The following PDE10A variants were observed in gnomAD, a reference collection of about 807,000 sequenced individuals.
The protein encoded by PDE10A is phosphodiesterase 10A, also known as cAMP and cAMP-inhibited cGMP 3',5'-cyclic phosphodiesterase 10A.
A neutral mutation model predicts 97.7 loss-of-function variants in PDE10A; 39 were observed. The ratio of observed to expected loss-of-function variants is 0.40; its 90% CI spans 0.31 to 0.52. The LOEUF (loss-of-function observed/expected upper bound fraction) is 0.52, where lower values mean the gene tolerates loss of function less well. PDE10A is among the 20% of genes least tolerant of loss of function. PDE10A has a pLI of 0.56. For synonymous variants in PDE10A, 371 were observed against 376.8 expected (o/e 0.98, Z 0.18); for missense variants, 731 against 1,047.8 (o/e 0.70, Z 4.17).
At chr6:165,816,002 T>G (rs542575783) in intron 1 of PDE10A, among the ~76,000 whole-genome samples, 1 of 151,808 alleles carries the variant, frequency 6.6e-6, no homozygotes, top group Non-Finnish European at 1.5e-5. Context: ...CAGGCTGGAG[T>G]GCAGTGGCGT....
At chr6:165,867,887 T>C (rs1249843168) in intron 1 of PDE10A, among the ~76,000 whole-genome samples, 2 of 151,994 alleles carry the variant, frequency 1.3e-5, no homozygotes, top group East Asian at 1.9e-4. Context: ...TTGGAAACTA[T>C]GCAAATACAT....
chr6:165,556,514 A>C (rs1295844324), intron 1 of PDE10A, among the ~76,000 whole-genome samples: 1 of 152,230 alleles, frequency 6.6e-6, no homozygotes, highest in Non-Finnish European at 1.5e-5. Flanking sequence ...AATAGTCATT[A>C]ACTTTGAAGG....
chr6:165,414,740 A>G (rs761408079), intron 12 of PDE10A, among the ~76,000 whole-genome samples: 2 of 152,230 alleles, frequency 1.3e-5, no homozygotes, highest in Non-Finnish European at 2.9e-5. Context: ...TTAACTTTTC[A>G]AGAAACTGCA....
At chr6:165,340,242 T>C (rs1432856260) in intron 19 of PDE10A, among the ~76,000 whole-genome samples, 2 of 152,208 alleles carry the variant, frequency 1.3e-5, no homozygotes, top group African/African-American at 2.4e-5. Context: ...TGTACAATCT[T>C]CTTAAGATTT....
chr6:165,398,422 A>T (rs186928106), intron 13 of PDE10A, among the ~76,000 whole-genome samples: 2 of 150,244 alleles, frequency 1.3e-5, no homozygotes, highest in African/African-American at 2.4e-5. Context: ...CAAGAGGTGG[A>T]GGTTTCAGTG....
chr6:165,774,445 TA>T (rs1346280730), intron 1 of PDE10A, among the ~76,000 whole-genome samples: 5 of 148,104 alleles, frequency 3.4e-5, no homozygotes, highest in African/African-American at 9.8e-5. Flanking sequence ...GTATATATAA[TA>T]AAAATATAAA....
chr6:165,424,550 A>G (rs1007008593), intron 10 of PDE10A, among the ~76,000 whole-genome samples: 2 of 152,206 alleles, frequency 1.3e-5, no homozygotes, highest in African/African-American at 2.4e-5. Context: ...TGAACAAATA[A>G]TATGTACATT....
intron 1 of PDE10A, among the ~76,000 whole-genome samples, chr6:165,648,071 T>TG (rs1209424035): frequency 6.6e-6 from 1 of 152,196 alleles, no homozygotes; most frequent in African/African-American, 2.4e-5. Flanking sequence ...TGGAGTGCAG[T>TG]GTGCAATCTT....
At chr6:165,427,315 A>G (rs902264212) in intron 10 of PDE10A, among the ~76,000 whole-genome samples, 3 of 152,194 alleles carry the variant, frequency 2.0e-5, no homozygotes, top group Non-Finnish European at 2.9e-5. Flanking sequence ...TGACCCATGC[A>G]TAATATGTAT....
chr6:165,622,735 G>C (rs1392124420), intron 1 of PDE10A, among the ~76,000 whole-genome samples: 2 of 152,158 alleles, frequency 1.3e-5, no homozygotes, highest in Non-Finnish European at 2.9e-5. Context: ...ACCCTGTAAA[G>C]AAAGAAACTT....
At chr6:165,890,561 G>T (rs1307005092) in intron 1 of PDE10A, among the ~76,000 whole-genome samples, 1 of 152,174 alleles carries the variant, frequency 6.6e-6, no homozygotes, top group Non-Finnish European at 1.5e-5. Flanking sequence ...TACCGCCAGA[G>T]TTACAAGTCA....
intron 2 of PDE10A, among the ~76,000 whole-genome samples, chr6:165,494,619 AACC>A: frequency 6.6e-6 from 1 of 151,888 alleles, no homozygotes; most frequent in East Asian, 1.9e-4. Context: ...TAATATTGAA[AACC>A]ACATTTTGCA....
Position 165,794,500 on chromosome 6 carries a change from T to G in PDE10A, c.-615+193029A>C, listed in dbSNP as rs574003184. 8.3e-5 allele frequency among the ~76,000 whole-genome samples: 12 copies of G among 144,682 alleles called. No individual in the cohort carries two copies. The East Asian group carries it at 1.8e-3, about 22-fold the overall frequency. The allele number at this position is 144,682 out of a possible 152,430, so 94.9% of individuals were successfully genotyped here. On this transcript the variant is annotated intron_variant, in intron 1 of 19. Coordinates refer to the PDE10A transcript ENST00000366882. ...CACACTCATTACACACACTACACACTCACATGCTCACTCATACACTCGCAC... is the reference window on the plus strand; with the variant it reads ...CACACTCATTACACACACTACACACGCACATGCTCACTCATACACTCGCAC...
At chr6:165,408,488 C>G (rs1232907779) in intron 13 of PDE10A, among the ~76,000 whole-genome samples, 2 of 152,052 alleles carry the variant, frequency 1.3e-5, no homozygotes, top group Non-Finnish European at 2.9e-5. Flanking sequence ...GGGTCTTGGT[C>G]ATTGGCAGTA....
At chr6:165,730,233 C>T (rs968960933) in intron 1 of PDE10A, among the ~76,000 whole-genome samples, 3 of 151,758 alleles carry the variant, frequency 2.0e-5, no homozygotes, top group East Asian at 3.9e-4. Flanking sequence ...GACTAAGTGA[C>T]GACAGAGCTA....
At chr6:165,559,107 G>C (rs771900863) in intron 1 of PDE10A, among the ~76,000 whole-genome samples, 2 of 152,146 alleles carry the variant, frequency 1.3e-5, no homozygotes, top group Non-Finnish European at 2.9e-5. Flanking sequence ...TGACTCCAAA[G>C]TTTCTAGCTT....
chr6:165,826,883 G>C (rs1169406098), intron 1 of PDE10A, among the ~76,000 whole-genome samples: 1 of 151,794 alleles, frequency 6.6e-6, no homozygotes, highest in Non-Finnish European at 1.5e-5. Context: ...CACAGTGAGA[G>C]AGAGGACAAA....
At chr6:165,619,916 C>CAGATG (rs1177400796) in intron 1 of PDE10A, among the ~76,000 whole-genome samples, 3 of 152,076 alleles carry the variant, frequency 2.0e-5, no homozygotes, top group African/African-American at 7.2e-5. Flanking sequence ...CTATAAACAT[C>CAGATG]AGATGAGATG....
At chr6:165,773,702 C>T (rs528275561) in intron 1 of PDE10A, among the ~76,000 whole-genome samples, 16 of 152,234 alleles carry the variant, frequency 1.1e-4, no homozygotes, top group Admixed American at 2.0e-4. Flanking sequence ...TTCCAGATAA[C>T]AGTCTATTAA....
Sources: gnomAD v4.1 joint callset for allele counts (sites outside exome capture counted in the v4.1 genomes callset) on GRCh38, gnomAD v4.1.1 for gene constraint, MANE v1.5 for transcripts, NCBI Gene and HGNC (gene_info 2026-07-23, HGNC 2026-07-21) for gene names.